PPP4R1: variants seen among roughly 807,000 people sequenced by gnomAD.
PPP4R1 encodes serine/threonine-protein phosphatase 4 regulatory subunit 1.
A neutral mutation model predicts 111.2 loss-of-function variants in PPP4R1; 42 were observed. That is an observed-to-expected ratio of 0.38 (90% CI 0.29 to 0.49). PPP4R1 has a LOEUF of 0.49. Ranked by LOEUF, PPP4R1 falls within the 20% of genes least tolerant of loss-of-function variation. The pLI is 0.97. For synonymous variants in PPP4R1, 409 were observed against 405.5 expected, an observed-to-expected ratio of 1.01 and a Z score of -0.10; for missense variants, 1,012 against 1,161.6, an observed-to-expected ratio of 0.87 and a Z score of 1.87.
chr18:9,606,609 T>C (rs2067486190), intron 2 of PPP4R1, among the ~76,000 whole-genome samples: 1 of 152,138 alleles, frequency 6.6e-6, no homozygotes, highest in Non-Finnish European at 1.5e-5. Context: ...TGCAAAATTG[T>C]CCTATAGCAC....
chr18:9,560,845 G>A (rs780143140), intron 13 of PPP4R1, among the ~76,000 whole-genome samples: 5 of 151,988 alleles, frequency 3.3e-5, no homozygotes, highest in African/African-American at 4.8e-5. Context: ...CTGGGTGACA[G>A]AGCGGAGACC....
chr18:9,601,570 G>A (rs1213298626), intron 2 of PPP4R1, among the ~76,000 whole-genome samples: 1 of 152,170 alleles, frequency 6.6e-6, no homozygotes, highest in East Asian at 1.9e-4. Context: ...TCAGCTCACT[G>A]CAACCTCCGC....
At chr18:9,596,751 T>A (rs1426213841) in intron 2 of PPP4R1, among the ~76,000 whole-genome samples, 2 of 152,166 alleles carry the variant, frequency 1.3e-5, no homozygotes, top group African/African-American at 4.8e-5. Context: ...TTAAAGTAAA[T>A]GTGTATATAC....
At chr18:9,563,650 T>C (rs982065604) in intron 11 of PPP4R1, 100 bp from the exon 12 acceptor site, 42 of 1,134,424 alleles carry the variant, frequency 3.7e-5, no homozygotes, top group Non-Finnish European at 4.9e-5. Flanking sequence ...ATGAAATATA[T>C]ACTTTTTTGA....
At chr18:9,562,828 G>T in intron 12 of PPP4R1, 1 of 971,806 alleles carries the variant, frequency 1.0e-6, no homozygotes, top group Non-Finnish European at 1.2e-6. Context: ...ACCAAATAAT[G>T]CTGGCTTGAT....
chr18:9,594,896 T>C, intron 3 of PPP4R1, 122 bp downstream of exon 3: 2 of 1,181,368 alleles, frequency 1.7e-6, no homozygotes, highest in Admixed American at 4.6e-5. Context: ...TGAATAAAAC[T>C]TGGTGACTCA....
At chr18:9,561,928 A>G (rs2066684271) in intron 13 of PPP4R1, 52 bp downstream of exon 13, 2 of 1,460,150 alleles carry the variant, frequency 1.4e-6, no homozygotes, top group South Asian at 2.3e-5. Flanking sequence ...ATGGGCTCTA[A>G]AAGAGGAATT....
intron 4 of PPP4R1, among the ~76,000 whole-genome samples, chr18:9,590,534 T>C (rs753041357): frequency 2.6e-5 from 4 of 152,220 alleles, no homozygotes; most frequent in African/African-American, 4.8e-5. Flanking sequence ...CAGCAACTTT[T>C]CTTTCTTCAA....
intron 6 of PPP4R1, among the ~76,000 whole-genome samples, chr18:9,585,501 G>T (rs2067101249): frequency 6.6e-6 from 1 of 152,266 alleles, no homozygotes; most frequent in East Asian, 1.9e-4. Context: ...AAAGAAATGG[G>T]ATAGCCTGTT....
At chr18:9,564,972 T>C (rs910058622) in intron 11 of PPP4R1, among the ~76,000 whole-genome samples, 3 of 151,960 alleles carry the variant, frequency 2.0e-5, no homozygotes, top group African/African-American at 4.8e-5. Context: ...GCCTCCTGAG[T>C]GGCTGGGACT....
intron 4 of PPP4R1, among the ~76,000 whole-genome samples, chr18:9,592,184 A>G (rs12961469): frequency 6.6e-6 from 1 of 152,206 alleles, no homozygotes; most frequent in South Asian, 2.1e-4. Context: ...AATCACAAAA[A>G]GGTAAAGTCA....
intron 10 of PPP4R1, among the ~76,000 whole-genome samples, chr18:9,570,900 A>G (rs1483689957): frequency 6.6e-6 from 1 of 152,218 alleles, no homozygotes; most frequent in Non-Finnish European, 1.5e-5. Context: ...GTATAAGTCT[A>G]GATAGTCAAG....
chr18:9,555,446 GAGA>G (rs1458028752), intron 15 of PPP4R1, among the ~76,000 whole-genome samples: 3 of 152,188 alleles, frequency 2.0e-5, no homozygotes, highest in Non-Finnish European at 4.4e-5. Flanking sequence ...AAGGACTCTA[GAGA>G]AAAAGATATT....
At chr18:9,584,353 G>C (rs139995279) in intron 8 of PPP4R1, among the ~76,000 whole-genome samples, 162 bp downstream of exon 8, 8 of 152,228 alleles carry the variant, frequency 5.3e-5, no homozygotes, top group African/African-American at 1.9e-4. Flanking sequence ...TAATTCAAAT[G>C]CCCAGATTAC....
chr18:9,562,827 T>C, intron 12 of PPP4R1: 2 of 973,458 alleles, frequency 2.1e-6, no homozygotes, highest in Non-Finnish European at 2.4e-6. Context: ...TACCAAATAA[T>C]GCTGGCTTGA....
At chr18:9,577,233 A>T (rs1172468023) in intron 9 of PPP4R1, 42 bp from the exon 10 acceptor site, 2 of 1,556,720 alleles carry the variant, frequency 1.3e-6, no homozygotes, top group East Asian at 4.5e-5. Flanking sequence ...ATCATTTTGA[A>T]AAAGAATTAT....
intron 10 of PPP4R1, among the ~76,000 whole-genome samples, chr18:9,572,377 G>T (rs969216089): frequency 6.6e-6 from 1 of 152,178 alleles, no homozygotes; most frequent in African/African-American, 2.4e-5. Flanking sequence ...TAGAAGAGAT[G>T]AAAGAACTGG....
At chr18:9,564,724 GTGTGTGTGTGTGT>G in intron 11 of PPP4R1, among the ~76,000 whole-genome samples, 1 of 50,860 alleles carries the variant, frequency 2.0e-5, no homozygotes, top group Non-Finnish European at 4.5e-5. Context: ...GTGTGTGTGT[GTGTGTGTGTGTGT>G]GGGGGTATCA....
intron 14 of PPP4R1, among the ~76,000 whole-genome samples, chr18:9,557,846 G>A (rs976002080): frequency 1.3e-5 from 2 of 152,040 alleles, no homozygotes; most frequent in Non-Finnish European, 2.9e-5. Context: ...AGAACATGCC[G>A]ACGTACTGAG....
Sources: gnomAD v4.1 joint callset for allele counts (sites outside exome capture counted in the v4.1 genomes callset) on GRCh38, gnomAD v4.1.1 for gene constraint, MANE v1.5 for transcripts, NCBI Gene and HGNC (gene_info 2026-07-23, HGNC 2026-07-21) for gene names.